Variants in TBATA observed in about 807,000 individuals in gnomAD.
The protein encoded by TBATA is thymus, brain and testes associated.
In TBATA, 47 loss-of-function variants were observed where a neutral mutation model predicts 38.7. That is an observed-to-expected ratio of 1.21 (90% CI 0.96 to 1.55). The LOEUF (loss-of-function observed/expected upper bound fraction) is 1.55. Ranked by LOEUF, TBATA falls within the 40% of genes most tolerant of loss-of-function variation. The probability of loss-of-function intolerance (pLI) is 0.00; values close to 1 mark genes in which losing one functional copy is unlikely to be tolerated. For missense variants in TBATA, 436 were observed against 435.6 expected, an observed-to-expected ratio of 1.00 and a Z score of -0.01; for synonymous variants, 183 against 170.5, an observed-to-expected ratio of 1.07 and a Z score of -0.57.
chr10:70,775,938 T>C (rs1843334764), intron 7 of TBATA, among the ~76,000 whole-genome samples: 1 of 152,208 alleles, frequency 6.6e-6, no homozygotes, highest in South Asian at 2.1e-4. Flanking sequence ...CCGGGCTCAT[T>C]TTCCCCTGCG....
In TBATA at chr10:70,781,799, A is replaced by G. The variant is rs554525835; in HGVS notation, c.277+2T>C. 6.2e-7 allele frequency: 1 copy of G among 1,613,538 alleles called. No homozygotes were observed. Among genetic ancestry groups the G allele is most frequent in the Non-Finnish European group, 8.5e-7 (1 of 1,179,480 alleles). ...CTCCCACCCCAACCAGCCAGGCCCT[A>G]CCTTGGATGTGGGTCACGTGCTGGG... On this transcript the variant is annotated splice_donor_variant, in intron 4 of 10. Coordinates refer to ENST00000456372, the MANE Select transcript of TBATA (RefSeq NM_001318241.2). LOFTEE classifies it high-confidence loss of function.
intron 6 of TBATA, chr10:70,777,645 G>A (rs746050584): frequency 1.1e-4 from 47 of 437,326 alleles, no homozygotes; most frequent in Non-Finnish European, 1.6e-4. Context: ...AGGGTCGATC[G>A]CTGGATGCCC....
chr10:70,783,361 A>G lies in TBATA; in HGVS notation c.19T>C (p.Leu7=), dbSNP rs371277758. MATDVQ[L]ADYPLMSPKA... is the part of the protein sequence containing the mutation. The stretch of plus-strand genomic sequence containing the variant: ...CACCTCATCAGTGGATAATCAGCCA[A>G]TTGAACATCTGTAGCCATTGTATGC... The change falls in exon 3 of 11, where the codon TTG becomes CTG. Residue 7 remains leucine, a synonymous_variant. Coordinates refer to ENST00000456372, the MANE Select transcript of TBATA (RefSeq NM_001318241.2). 153 of 1,614,028 alleles carry G rather than the reference A, an allele frequency of 9.5e-5. No homozygotes were observed. The highest frequency in any genetic ancestry group is 3.3e-4 in the Middle Eastern group (2 of 6,084).
intron 2 of TBATA, among the ~76,000 whole-genome samples, chr10:70,783,765 T>G (rs1844553143): frequency 6.6e-6 from 1 of 152,240 alleles, no homozygotes; most frequent in Admixed American, 6.5e-5. Context: ...ACTTTATTGC[T>G]ATGAAAATAA....
rs149371308 is a variant in TBATA, at chr10:70,777,914, C to G, written c.508-576G>C. The G allele has an allele frequency of 4.1e-3, 1,639 of 395,930 alleles. 8 individuals are homozygous for G. The highest frequency in any genetic ancestry group is 6.9e-3 in the Non-Finnish European group (1,380 of 200,740). 24.5% of individuals were successfully genotyped at this position (395,930 alleles called of 1,614,324 possible). On this transcript the variant is annotated intron_variant, in intron 6 of 10. Transcript: ENST00000456372. Reference sequence around the variant, plus strand: ...GACCCAGACAGCTTAGCTGAGTTGTCCTGAGTGCTGCAGTGAGTTAGTTGT... The same window carrying G: ...GACCCAGACAGCTTAGCTGAGTTGTGCTGAGTGCTGCAGTGAGTTAGTTGT...
intron 6 of TBATA, chr10:70,777,952 G>A: frequency 3.0e-6 from 1 of 335,430 alleles, no homozygotes; most frequent in Non-Finnish European, 5.9e-6. Flanking sequence ...GCAGGAATGA[G>A]AAGCCGGGCC....
chr10:70,771,337 G>C lies in TBATA; in HGVS notation c.*39C>G, dbSNP rs769286821. The C allele has an allele frequency of 6.2e-7, 1 of 1,613,920 alleles. No homozygotes were observed. The highest frequency in any genetic ancestry group is 1.3e-5 in the African/African-American group (1 of 74,908). ...ACAGAAACACCCCTGAACCCTTGGG[G>C]CTGCTCTTGAGCAAGGCAGGTGCAA... On this transcript the variant is annotated 3_prime_UTR_variant, in exon 11 of 11. Coordinates refer to ENST00000456372, the MANE Select transcript of TBATA (RefSeq NM_001318241.2).
chr10:70,777,683 G>T, intron 6 of TBATA: 1 of 387,272 alleles, frequency 2.6e-6, no homozygotes, highest in Non-Finnish European at 4.9e-6. Flanking sequence ...TCCCTCCCAG[G>T]TAGGTCCTCC....
intron 3 of TBATA, chr10:70,782,250 A>T: frequency 4.9e-6 from 7 of 1,439,054 alleles, no homozygotes; most frequent in Non-Finnish European, 6.6e-6. Context: ...AGTCTTCCTT[A>T]TCAGGGAGCT....
Position 70,771,315 on chromosome 10 carries a change from G to C in TBATA, c.*61C>G. 1 of 1,613,858 alleles carries C rather than the reference G, an allele frequency of 6.2e-7. No individual in the cohort carries two copies. Among genetic ancestry groups the C allele is most frequent in the Non-Finnish European group, 8.5e-7 (1 of 1,179,804 alleles). ...TACTGCTGTGAAGGTGGTGGAGACA[G>C]AAACACCCCTGAACCCTTGGGGCTG... On this transcript the variant is annotated 3_prime_UTR_variant, in exon 11 of 11. Transcript: ENST00000456372.
At position 70,775,198 on chromosome 10, in the gene TBATA, G is replaced by A. The variant is rs757375999; in HGVS notation, c.766C>T (p.Pro256Ser). The change falls in exon 8 of 11, where the codon CCG (proline) becomes TCG (serine). Residue 256 changes from proline (P) to serine (S), a missense_variant. Pro to Ser is a moderately conservative substitution (Grantham distance 74, BLOSUM62 -1). Coordinates refer to ENST00000456372, the MANE Select transcript of TBATA (RefSeq NM_001318241.2). ...GGGGCTGTGTCCTCACCCTTGGGCG[G>A]AGCGTAGAGCAGCCAGAACTGGATT... ...SAIQFWLLYA[P>S]PKEKDLALGL... 2.8e-5 allele frequency: 45 copies of A among 1,613,794 alleles called. No homozygotes were observed. Among genetic ancestry groups the A allele is most frequent in the Non-Finnish European group, 3.7e-5 (44 of 1,179,802 alleles).
At chr10:70,771,615 C>G (rs1241327994) in intron 10 of TBATA, among the ~76,000 whole-genome samples, 154 bp from the exon 11 acceptor site, 1 of 152,184 alleles carries the variant, frequency 6.6e-6, no homozygotes. Flanking sequence ...GGAATCCAAC[C>G]TGAGAGGAAT....
chr10:70,772,423 C>T lies in TBATA; in HGVS notation c.973+91G>A. On this transcript the variant is annotated intron_variant, in intron 10 of 10. Coordinates refer to ENST00000456372, the MANE Select transcript of TBATA (RefSeq NM_001318241.2). ...AATGAGCAGCATCCTTGGGCAGGGACTCATCTCCAAGTTGACTGGAATCCC... is the reference window on the plus strand; with the variant it reads ...AATGAGCAGCATCCTTGGGCAGGGATTCATCTCCAAGTTGACTGGAATCCC... 4 of 1,182,876 alleles carry T rather than the reference C, an allele frequency of 3.4e-6. No homozygotes were observed. The Admixed American group carries it at 5.1e-5, about 15-fold the overall frequency. The allele number at this position is 1,182,876 out of a possible 1,614,324, so 73.3% of individuals were successfully genotyped here.
chr10:70,783,315 C>G lies in TBATA; in HGVS notation c.41+24G>C. On this transcript the variant is annotated intron_variant, in intron 3 of 10. Transcript: ENST00000456372. ...CCTACCCCAAGCCCTCCTCAGTCAG[C>G]AGGGTGGGCATTTGGAGCCTCACCT... The G allele has an allele frequency of 2.5e-6, 4 of 1,613,816 alleles. No individual in the cohort carries two copies. The African/African-American group carries it at 4.0e-5, about 16-fold the overall frequency.
intron 3 of TBATA, 52 bp downstream of exon 3, chr10:70,783,287 T>A (rs1844486280): frequency 1.2e-6 from 2 of 1,608,674 alleles, no homozygotes; most frequent in Non-Finnish European, 8.5e-7. Context: ...TCTTCTACCC[T>A]GCCCTACCCC....
At chr10:70,782,370 C>T (rs144805057) in intron 3 of TBATA, 20,924 of 1,348,520 alleles carry the variant, frequency 0.016, 199 homozygotes, top group Middle Eastern at 0.042. Context: ...TCAAAATACC[C>T]AGGATGGAGC....
chr10:70,773,467 C>CCCG (rs896599509), intron 9 of TBATA, among the ~76,000 whole-genome samples: 2 of 151,520 alleles, frequency 1.3e-5, no homozygotes, highest in East Asian at 1.9e-4. Context: ...AAATACAGGC[C>CCCG]CCCCCGGCTT....
At chr10:70,773,098 G>A (rs1227617167) in intron 9 of TBATA, among the ~76,000 whole-genome samples, 7 of 152,120 alleles carry the variant, frequency 4.6e-5, no homozygotes, top group African/African-American at 1.2e-4. Flanking sequence ...GCTGATGATC[G>A]CAGCTGGGAG....
intron 8 of TBATA, among the ~76,000 whole-genome samples, chr10:70,774,628 C>A (rs568372354): frequency 4.6e-5 from 7 of 152,148 alleles, no homozygotes; most frequent in Non-Finnish European, 7.3e-5. Context: ...CCCGGGCCCA[C>A]GCTGGGAAGT....
Sources: allele counts gnomAD v4.1 joint callset (sites outside exome capture counted in the v4.1 genomes callset), GRCh38; gene constraint gnomAD v4.1.1; transcripts MANE v1.5; gene names NCBI Gene and HGNC (gene_info 2026-07-23, HGNC 2026-07-21).